CPA1: variants seen among roughly 807,000 people sequenced by gnomAD.
CPA1 encodes carboxypeptidase A1, also known as carboxypeptidase A1 (pancreatic).
CPA1 carries 42 observed loss-of-function variants against 48.7 expected under a neutral mutation model. The ratio of observed to expected loss-of-function variants is 0.86; its 90% CI spans 0.67 to 1.11. The LOEUF (loss-of-function observed/expected upper bound fraction) is 1.11, where lower values mean the gene tolerates loss of function less well. CPA1 is among the 50% of genes most tolerant of loss of function. CPA1 has a pLI of 0.00. For synonymous variants in CPA1, 203 were observed against 217.9 expected (o/e 0.93, Z 0.60); for missense variants, 477 against 544.7 (o/e 0.88, Z 1.24).
chr7:130,380,942 C>T (rs1796395056), intron 1 of CPA1, 156 bp from the exon 2 acceptor site: 1 of 661,286 alleles, frequency 1.5e-6, no homozygotes. Context: ...CCAGGCCTCT[C>T]CTTGTTGAGA....
chr7:130,381,156 C>G lies in CPA1; in HGVS notation c.124C>G (p.Leu42Val). Residue 42 changes from leucine (L) to valine (V), a missense_variant, in exon 2 of 10, where the codon CTG (leucine) becomes GTG (valine). By Grantham distance (32) the Leu-to-Val change is conservative. Coordinates refer to ENST00000011292, the MANE Select transcript of CPA1 (RefSeq NM_001868.4). ...DEAQVQKVKE[L>V]EDLEHLQLDF... ...GGCCCAGGTACAGAAGGTGAAGGAG[C>G]TGGAGGACCTGGAGCACCTGCAGGT... 6.2e-7 allele frequency: 1 copy of G among 1,613,294 alleles called. No individual in the cohort carries two copies. The highest frequency in any genetic ancestry group is 8.5e-7 in the Non-Finnish European group (1 of 1,179,656).
intron 4 of CPA1, 49 bp from the exon 5 acceptor site, chr7:130,383,342 G>C: frequency 6.7e-7 from 1 of 1,490,882 alleles, no homozygotes; most frequent in Non-Finnish European, 9.3e-7. Flanking sequence ...AGCAAGATGA[G>C]GCCTCAGCTG....
In CPA1 at chr7:130,381,666, C is replaced by A; in HGVS notation, c.184C>A (p.Pro62Thr). 1 of 1,614,040 alleles carries A rather than the reference C, an allele frequency of 6.2e-7. No individual in the cohort carries two copies. The highest frequency in any genetic ancestry group is 8.5e-7 in the Non-Finnish European group (1 of 1,179,986). ...FWRGPAHPGS[P>T]IDVRVPFPSI... ...GCGGGGGCCTGCCCACCCTGGCTCC[C>A]CCATCGACGTCCGAGTGCCCTTCCC... is the stretch of plus-strand genomic sequence containing the variant. Residue 62 changes from proline to threonine, a missense_variant, in exon 3 of 10, where the codon CCC (proline) becomes ACC (threonine). Coordinates refer to ENST00000011292, the MANE Select transcript of CPA1 (RefSeq NM_001868.4).
At chr7:130,381,009 G>A in intron 1 of CPA1, 89 bp from the exon 2 acceptor site, 1 of 1,045,522 alleles carries the variant, frequency 9.6e-7, no homozygotes, top group Non-Finnish European at 1.5e-6. Context: ...GGGGATTCTG[G>A]GCTGCTGCCT....
intron 4 of CPA1, among the ~76,000 whole-genome samples, chr7:130,382,433 T>C (rs1303109880): frequency 6.6e-6 from 1 of 152,122 alleles, no homozygotes; most frequent in Non-Finnish European, 1.5e-5. Flanking sequence ...CAAGTGTCCA[T>C]TGTGGAAGGT....
At chr7:130,381,364 G>A (rs1406121691) in intron 2 of CPA1, among the ~76,000 whole-genome samples, 185 bp downstream of exon 2, 6 of 152,042 alleles carry the variant, frequency 3.9e-5, no homozygotes, top group African/African-American at 9.7e-5. Context: ...CCTGGGCAAG[G>A]GGCCGGGCCC....
Position 130,385,140 on chromosome 7 carries a change from C to T in CPA1, c.788-6C>T, listed in dbSNP as rs199761591. ...CCACACCGCCATGCCCTCTGTCCCCCCACAGTGTCCGGAGCCAGCAGTAAC... is the reference window on the plus strand; with the variant it reads ...CCACACCGCCATGCCCTCTGTCCCCTCACAGTGTCCGGAGCCAGCAGTAAC... On this transcript the variant is annotated splice_region_variant and splice_polypyrimidine_tract_variant and intron_variant, in intron 7 of 9. Coordinates refer to ENST00000011292, the MANE Select transcript of CPA1 (RefSeq NM_001868.4). 6.2e-6 allele frequency: 10 copies of T among 1,614,038 alleles called. No homozygotes were observed. In the South Asian group the frequency reaches 7.7e-5, roughly 12 times the overall value.
At chr7:130,385,994 T>A in intron 9 of CPA1, 71 bp downstream of exon 9, 1 of 1,376,568 alleles carries the variant, frequency 7.3e-7, no homozygotes, top group Non-Finnish European at 1.0e-6. Context: ...ACCGAGGGAG[T>A]ATCCCTCATG....
At chr7:130,385,106 C>A in intron 7 of CPA1, 40 bp from the exon 8 acceptor site, 3 of 1,597,274 alleles carry the variant, frequency 1.9e-6, no homozygotes, top group Non-Finnish European at 2.6e-6. Context: ...GCCACAGAAG[C>A]TGGAGGAGCC....
At chr7:130,384,736 G>A in intron 7 of CPA1, 110 bp downstream of exon 7, 2 of 925,882 alleles carry the variant, frequency 2.2e-6, no homozygotes, top group Non-Finnish European at 3.4e-6. Flanking sequence ...GGAGGGTTGG[G>A]GGTGGCAGCT....
Position 130,384,582 on chromosome 7 carries a change from G to T in CPA1, c.743G>T (p.Cys248Phe). 6.2e-7 allele frequency: 1 copy of T among 1,614,238 alleles called. No homozygotes were observed. Among genetic ancestry groups the T allele is most frequent in the Non-Finnish European group, 8.5e-7 (1 of 1,180,044 alleles). The change falls in exon 7 of 10, where the codon TGT becomes TTT. Residue 248 changes from cysteine to phenylalanine, a missense_variant. Transcript: ENST00000011292. ...CGGTCCCACACAGCAGGCTCCCTCT[G>T]TATTGGCGTGGACCCCAACAGGAAC... Reference protein sequence around the residue: ...KTRSHTAGSLCIGVDPNRNWD... With the variant: ...KTRSHTAGSLFIGVDPNRNWD...
At chr7:130,383,212 G>A (rs1796428801) in intron 4 of CPA1, among the ~76,000 whole-genome samples, 179 bp from the exon 5 acceptor site, 1 of 152,226 alleles carries the variant, frequency 6.6e-6, no homozygotes, top group Non-Finnish European at 1.5e-5. Context: ...AGCTCTGTGG[G>A]ATCCCTGTCC....
Position 130,387,760 on chromosome 7 carries a change from C to A in CPA1, c.1073-64C>A. On this transcript the variant is annotated intron_variant, in intron 9 of 9. Transcript: ENST00000011292. The surrounding 1 kb of genome is among the most constrained non-coding windows in gnomAD (Gnocchi z 4.6). ...GCTTTGGACAGGGTTGGATCGTTAA[C>A]CCAACCCGTGTAAATATTCCCAAAG... is the stretch of plus-strand genomic sequence containing the variant. The A allele has an allele frequency of 1.4e-6, 2 of 1,473,372 alleles. No individual in the cohort carries two copies. Among genetic ancestry groups the A allele is most frequent in the South Asian group, 1.2e-5 (1 of 83,458 alleles). 91.3% of individuals were successfully genotyped at this position (1,473,372 alleles called of 1,614,324 possible).
intron 1 of CPA1, 57 bp from the exon 2 acceptor site, chr7:130,381,041 C>T: frequency 7.0e-7 from 1 of 1,434,108 alleles, no homozygotes; most frequent in Admixed American, 1.8e-5. Flanking sequence ...CTGGGGAGTG[C>T]TTGTGGCCAG....
At position 130,381,560 on chromosome 7, in the gene CPA1, C is replaced by G. The variant is rs1446253100; in HGVS notation, c.148-70C>G. On this transcript the variant is annotated intron_variant, in intron 2 of 9. Coordinates refer to ENST00000011292, the MANE Select transcript of CPA1 (RefSeq NM_001868.4). ...ACCAACAGCCCCTCCCACGCAGGCCCTGTCCCTGCCTGCTGTCCTGGCTGG... is the reference window on the plus strand; with the variant it reads ...ACCAACAGCCCCTCCCACGCAGGCCGTGTCCCTGCCTGCTGTCCTGGCTGG... The G allele has an allele frequency of 7.5e-6, 9 of 1,197,682 alleles. No individual in the cohort carries two copies. The African/African-American group carries it at 1.1e-4, about 14-fold the overall frequency. The allele number at this position is 1,197,682 out of a possible 1,614,324, so 74.2% of individuals were successfully genotyped here.
chr7:130,380,691 G>A, intron 1 of CPA1, 106 bp downstream of exon 1: 1 of 666,834 alleles, frequency 1.5e-6, no homozygotes, highest in Non-Finnish European at 2.3e-6. Context: ...CACAGCCAGA[G>A]AGGATGGCCT....
intron 6 of CPA1, 48 bp from the exon 7 acceptor site, chr7:130,384,488 C>T (rs929290274): frequency 6.5e-7 from 1 of 1,539,364 alleles, no homozygotes; most frequent in Non-Finnish European, 9.0e-7. Context: ...AGCACTGTGA[C>T]AAGCGTCACA....
chr7:130,386,005 G>T, intron 9 of CPA1, 82 bp downstream of exon 9: 2 of 1,295,054 alleles, frequency 1.5e-6, no homozygotes, highest in South Asian at 2.5e-5. Context: ...ATCCCTCATG[G>T]AAGGAAGTAG....
At chr7:130,382,257 G>A in intron 4 of CPA1, 48 bp downstream of exon 4, 1 of 1,459,800 alleles carries the variant, frequency 6.9e-7, no homozygotes, top group African/African-American at 1.4e-5. Flanking sequence ...ACCCACACGT[G>A]GCATCCGTGA....
Sources: gnomAD v4.1 joint callset for allele counts (sites outside exome capture counted in the v4.1 genomes callset) on GRCh38, gnomAD v4.1.1 for gene constraint, Gnocchi (gnomAD v3.1) non-coding constraint, MANE v1.5 for transcripts, NCBI Gene and HGNC (gene_info 2026-07-23, HGNC 2026-07-21) for gene names.